The following ARHGAP12 variants were observed in gnomAD, a reference collection of about 807,000 sequenced individuals.
The protein encoded by ARHGAP12 is rho GTPase-activating protein 12.
A neutral mutation model predicts 108.6 loss-of-function variants in ARHGAP12; 64 were observed. The observed-to-expected ratio is 0.59, with a 90% CI of 0.48 to 0.73. ARHGAP12 has a LOEUF of 0.73. Among genes scored for constraint, ARHGAP12 ranks in the 30% least tolerant of loss-of-function variants. The pLI is 0.00. For synonymous variants in ARHGAP12, 312 were observed against 337.2 expected (o/e 0.93, Z 0.82); for missense variants, 940 against 1,005.9 (o/e 0.93, Z 0.89).
At chr10:31,832,598 C>CT (rs1265411328) in intron 9 of ARHGAP12, among the ~76,000 whole-genome samples, 1 of 152,200 alleles carries the variant, frequency 6.6e-6, no homozygotes, top group Non-Finnish European at 1.5e-5. Flanking sequence ...TTCAACATTA[C>CT]TAAGCATTAT....
chr10:31,826,390 AATT>A lies in ARHGAP12; in HGVS notation c.1449-8_1449-6del, dbSNP rs1247413822. ...CAAGAAGACAACCAGTTCTTTCTGTAATTATAAAGATGACCGATTAAAGCTCCA... is the reference window on the plus strand; with the variant it reads ...CAAGAAGACAACCAGTTCTTTCTGTAATAAAGATGACCGATTAAAGCTCCA... On this transcript the variant is annotated splice_polypyrimidine_tract_variant and splice_region_variant and intron_variant, in intron 10 of 19. Coordinates refer to ENST00000344936, the MANE Select transcript of ARHGAP12 (RefSeq NM_018287.7). 1.2e-6 allele frequency: 2 copies of A among 1,603,190 alleles called. No individual in the cohort carries two copies. The highest frequency in any genetic ancestry group is 1.7e-6 in the Non-Finnish European group (2 of 1,175,620).
At chr10:31,847,644 G>A (rs1440677724) in intron 6 of ARHGAP12, among the ~76,000 whole-genome samples, 1 of 151,920 alleles carries the variant, frequency 6.6e-6, no homozygotes, top group Non-Finnish European at 1.5e-5. Context: ...CTTGGGATAG[G>A]GTGGGGTGCT....
intron 2 of ARHGAP12, among the ~76,000 whole-genome samples, chr10:31,909,900 TAAAA>T (rs1839277763): frequency 6.6e-6 from 1 of 151,020 alleles, no homozygotes; most frequent in Non-Finnish European, 1.5e-5. Flanking sequence ...TGTCTCAAAA[TAAAA>T]AGAAAAAAAG....
At chr10:31,830,733 C>T (rs1226893891) in intron 10 of ARHGAP12, among the ~76,000 whole-genome samples, 1 of 152,060 alleles carries the variant, frequency 6.6e-6, no homozygotes, top group East Asian at 1.9e-4. Flanking sequence ...ACCAAAAAAT[C>T]CAACAATCCA....
intron 3 of ARHGAP12, among the ~76,000 whole-genome samples, chr10:31,907,121 C>T (rs1423503643): frequency 6.6e-6 from 1 of 152,118 alleles, no homozygotes; most frequent in African/African-American, 2.4e-5. Context: ...AATCAGACCA[C>T]ACCTAAGGGC....
chr10:31,861,567 A>C lies in ARHGAP12; in HGVS notation c.776T>G (p.Leu259Arg). 6.2e-7 allele frequency: 1 copy of C among 1,614,148 alleles called. No individual in the cohort carries two copies. The highest frequency in any genetic ancestry group is 8.5e-7 in the Non-Finnish European group (1 of 1,180,022). ...LKISQSALPP[L>R]PGSPAIQING... Reference sequence around the variant, plus strand: ...AATCTGAATTGCCGGGCTCCCAGGAAGTGGGGGAAGAGCAGACTGGGATAT... The same window carrying C: ...AATCTGAATTGCCGGGCTCCCAGGACGTGGGGGAAGAGCAGACTGGGATAT... The change falls in exon 4 of 20, where the codon CTT becomes CGT. Residue 259 changes from leucine (L) to arginine (R), a missense_variant. Leu to Arg is a moderately radical substitution (Grantham distance 102). Coordinates refer to ENST00000344936, the MANE Select transcript of ARHGAP12 (RefSeq NM_018287.7).
intron 3 of ARHGAP12, among the ~76,000 whole-genome samples, chr10:31,876,396 G>A (rs1837733231): frequency 6.6e-6 from 1 of 152,056 alleles, no homozygotes; most frequent in African/African-American, 2.4e-5. Flanking sequence ...GCACACACCT[G>A]TAATCCCAGC....
At chr10:31,902,418 A>AT (rs1268407006) in intron 3 of ARHGAP12, among the ~76,000 whole-genome samples, 1 of 152,018 alleles carries the variant, frequency 6.6e-6, no homozygotes, top group Admixed American at 6.6e-5. Flanking sequence ...ACTCATGCCT[A>AT]TAATCCCAAT....
At chr10:31,822,950 G>A (rs1004096819) in intron 11 of ARHGAP12, among the ~76,000 whole-genome samples, 2 of 152,048 alleles carry the variant, frequency 1.3e-5, no homozygotes, top group African/African-American at 4.8e-5. Context: ...TAATTATCTA[G>A]CCCAAAAGAG....
At chr10:31,839,509 GATT>G (rs2132228183) in intron 8 of ARHGAP12, 125 bp downstream of exon 8, 1 of 1,140,476 alleles carries the variant, frequency 8.8e-7, no homozygotes, top group South Asian at 1.8e-5. Flanking sequence ...TTTTGATTGT[GATT>G]TTTTAGAAAA....
chr10:31,834,713 G>A (rs1835948738), intron 9 of ARHGAP12, among the ~76,000 whole-genome samples: 1 of 152,164 alleles, frequency 6.6e-6, no homozygotes, highest in Non-Finnish European at 1.5e-5. Context: ...TATCAAGCAT[G>A]TAGTTGGCAT....
intron 16 of ARHGAP12, 65 bp from the exon 17 acceptor site, chr10:31,809,372 G>A (rs570236859): frequency 1.1e-5 from 15 of 1,397,072 alleles, no homozygotes; most frequent in African/African-American, 7.1e-5. Flanking sequence ...TTCTGAACAC[G>A]TTTGCATGTG....
At chr10:31,896,885 C>A (rs1838721854) in intron 3 of ARHGAP12, among the ~76,000 whole-genome samples, 1 of 152,168 alleles carries the variant, frequency 6.6e-6, no homozygotes, top group African/African-American at 2.4e-5. Flanking sequence ...CAAACCACTA[C>A]CCCAAAATTT....
At chr10:31,928,094 C>T (rs1441449095) in intron 1 of ARHGAP12, among the ~76,000 whole-genome samples, 1 of 152,100 alleles carries the variant, frequency 6.6e-6, no homozygotes, top group Admixed American at 6.5e-5. Context: ...GTGGGCTCCC[C>T]GGGTGGGTGG....
chr10:31,897,076 T>C (rs55667503), intron 3 of ARHGAP12, among the ~76,000 whole-genome samples: 1 of 152,270 alleles, frequency 6.6e-6, no homozygotes, highest in African/African-American at 2.4e-5. Flanking sequence ...CCTTATACTT[T>C]TGTGGGGTTT....
rs1253159194 is a variant in ARHGAP12 at position 31,808,686 on chromosome 10, G to C, written c.2329C>G (p.Gln777Glu). ...CGGAAAAGAATCTGCATTGTGTCTT[G>C]GTTTGGCTTTGGCAACTGTCTGATT... ...DLIRQLPKPN[Q>E]DTMQILFRHL... The change falls in exon 19 of 20, where the codon CAA (glutamine) becomes GAA (glutamate). Residue 777 changes from glutamine to glutamate, a missense_variant. Gln to Glu is a conservative substitution (Grantham distance 29). Transcript: ENST00000344936. 3.1e-6 allele frequency: 5 copies of C among 1,613,674 alleles called. No homozygotes were observed. The highest frequency in any genetic ancestry group is 1.1e-5 in the South Asian group (1 of 91,072).
At chr10:31,823,343 T>A (rs576717110) in intron 11 of ARHGAP12, among the ~76,000 whole-genome samples, 2 of 152,222 alleles carry the variant, frequency 1.3e-5, no homozygotes, top group Admixed American at 1.3e-4. Context: ...GTGGAAGGTA[T>A]CTGTCCTAGA....
intron 6 of ARHGAP12, among the ~76,000 whole-genome samples, chr10:31,851,601 T>C (rs1480680447): frequency 6.6e-6 from 1 of 152,176 alleles, no homozygotes; most frequent in Non-Finnish European, 1.5e-5. Context: ...TTCATTTTCA[T>C]CCTACCCATA....
At chr10:31,838,830 CAA>C (rs34471173) in intron 9 of ARHGAP12, among the ~76,000 whole-genome samples, 25,443 of 102,896 alleles carry the variant, frequency 0.25, 2,756 homozygotes, top group East Asian at 0.4. Flanking sequence ...GGCTCCATCT[CAA>C]AAAAAAAAAA....
Sources: allele counts gnomAD v4.1 joint callset (sites outside exome capture counted in the v4.1 genomes callset), GRCh38; gene constraint gnomAD v4.1.1; transcripts MANE v1.5; gene names NCBI Gene and HGNC (gene_info 2026-07-23, HGNC 2026-07-21).